WDR33: variants seen among roughly 807,000 people sequenced by gnomAD.
WDR33 encodes pre-mRNA 3' end processing protein WDR33.
Under a neutral mutation model 164.9 loss-of-function variants are expected in WDR33, and 47 were observed. That is an observed-to-expected ratio of 0.29 (90% CI 0.23 to 0.36). The LOEUF is 0.36. Among genes scored for constraint, WDR33 ranks in the 10% least tolerant of loss-of-function variants. The pLI is 1.00. For missense variants in WDR33, 1,137 were observed against 1,754.1 expected, an observed-to-expected ratio of 0.65 and a Z score of 6.28; for synonymous variants, 505 against 589.0, an observed-to-expected ratio of 0.86 and a Z score of 2.06.
chr2:127,771,451 G>A (rs1687999475), intron 1 of WDR33, among the ~76,000 whole-genome samples: 1 of 152,078 alleles, frequency 6.6e-6, no homozygotes, highest in Non-Finnish European at 1.5e-5. Context: ...TCATATATGT[G>A]GTCCAGCATT....
Position 127,705,431 on chromosome 2 carries a change from G to A in WDR33, c.*892C>T, listed in dbSNP as rs1031393580. ...GAGGAAGAGAGGAAAACTTAATTAA[G>A]TGTTGCAAAATTGTTTGAGGACCTA... is the stretch of plus-strand genomic sequence containing the variant. On this transcript the variant is annotated 3_prime_UTR_variant, in exon 22 of 22. Transcript: ENST00000322313. The surrounding 1 kb of genome is among the most constrained non-coding windows in gnomAD (Gnocchi z 4.5). 15 of 152,332 alleles carry A rather than the reference G, an allele frequency of 9.8e-5. No homozygotes were observed. The highest frequency in any genetic ancestry group is 3.6e-4 in the African/African-American group (15 of 41,436). 9.4% of individuals were successfully genotyped at this position (152,332 alleles called of 1,614,324 possible).
chr2:127,800,506 G>A (rs772414215), intron 1 of WDR33, among the ~76,000 whole-genome samples: 29 of 151,840 alleles, frequency 1.9e-4, no homozygotes, highest in Admixed American at 6.6e-5. Context: ...GCGTGGTGGA[G>A]GGCGCCTGTA....
intron 1 of WDR33, among the ~76,000 whole-genome samples, chr2:127,805,863 C>A (rs1689419451): frequency 6.6e-6 from 1 of 151,952 alleles, no homozygotes; most frequent in Non-Finnish European, 1.5e-5. Flanking sequence ...GTATTCCCTG[C>A]CATAATATCT....
chr2:127,764,739 G>T lies in WDR33; in HGVS notation c.626+89C>A. On this transcript the variant is annotated intron_variant, in intron 6 of 21. Coordinates refer to ENST00000322313, the MANE Select transcript of WDR33 (RefSeq NM_018383.5). The surrounding 1 kb of genome is among the most constrained non-coding windows in gnomAD (Gnocchi z 6.2). Reference sequence around the variant, plus strand: ...AGAAAGTTTCCCAGAAACTGACAGAGCCCATGCATCTCTGCACCCAGAATA... The same window carrying T: ...AGAAAGTTTCCCAGAAACTGACAGATCCCATGCATCTCTGCACCCAGAATA... The T allele has an allele frequency of 4.3e-6, 7 of 1,614,104 alleles. No homozygotes were observed. The highest frequency in any genetic ancestry group is 5.9e-6 in the Non-Finnish European group (7 of 1,180,002).
At position 127,709,428 on chromosome 2, in the gene WDR33, C is replaced by T. The variant is rs1686098479; in HGVS notation, c.3565+62G>A. On this transcript the variant is annotated intron_variant, in intron 20 of 21. Transcript: ENST00000322313. The surrounding 1 kb of genome is among the most constrained non-coding windows in gnomAD (Gnocchi z 5.0). ...AGACCCGGTGCACCCCAGAGAGGGC[C>T]CTCAGAACTCACTTTGTGAACTGCA... is the stretch of plus-strand genomic sequence containing the variant. 1 of 1,537,874 alleles carries T rather than the reference C, an allele frequency of 6.5e-7. No homozygotes were observed. Among genetic ancestry groups the T allele is most frequent in the Non-Finnish European group, 9.0e-7 (1 of 1,112,672 alleles).
chr2:127,727,092 T>C (rs1031016625), intron 7 of WDR33, among the ~76,000 whole-genome samples: 1 of 152,166 alleles, frequency 6.6e-6, no homozygotes, highest in African/African-American at 2.4e-5. Flanking sequence ...TTTTGAAGTG[T>C]CTCATGTTGT....
At chr2:127,762,266 C>G (rs1354565365) in intron 7 of WDR33, among the ~76,000 whole-genome samples, 1 of 152,148 alleles carries the variant, frequency 6.6e-6, no homozygotes. Flanking sequence ...AAATTAAGCA[C>G]TGGAGAAAAC....
At chr2:127,797,888 C>T (rs1285920543) in intron 1 of WDR33, among the ~76,000 whole-genome samples, 7 of 152,108 alleles carry the variant, frequency 4.6e-5, no homozygotes, top group African/African-American at 1.7e-4. Flanking sequence ...TGGTACACAA[C>T]TGTGGGTCCC....
At chr2:127,752,725 T>C (rs1687408606) in intron 7 of WDR33, among the ~76,000 whole-genome samples, 3 of 151,212 alleles carry the variant, frequency 2.0e-5, no homozygotes, top group Admixed American at 1.3e-4. Flanking sequence ...ATTTCATCAA[T>C]CCACAAAACA....
Position 127,710,001 on chromosome 2 carries a change from G to A in WDR33, c.3309-145C>T, listed in dbSNP as rs1209184130. The A allele has an allele frequency of 2.7e-6, 3 of 1,115,378 alleles. No homozygotes were observed. In the African/African-American group the frequency reaches 4.8e-5, roughly 18 times the overall value. 69.1% of individuals were successfully genotyped at this position (1,115,378 alleles called of 1,614,324 possible). On this transcript the variant is annotated intron_variant, in intron 18 of 21. Transcript: ENST00000322313. The surrounding 1 kb of genome is among the most constrained non-coding windows in gnomAD (Gnocchi z 4.4). ...AAATAAAACTATATATTTTTGAAAGGATACATTATATAATCCTATTAATAC... is the reference window on the plus strand; with the variant it reads ...AAATAAAACTATATATTTTTGAAAGAATACATTATATAATCCTATTAATAC...
rs554519039 is a variant in WDR33 at position 127,703,095 on chromosome 2, A to T, written c.*3228T>A. The T allele has an allele frequency of 6.0e-6, 1 of 167,096 alleles. No homozygotes were observed. Among genetic ancestry groups the T allele is most frequent in the African/African-American group, 2.4e-5 (1 of 41,546 alleles). 10.4% of individuals were successfully genotyped at this position (167,096 alleles called of 1,614,324 possible). A position where few individuals can be genotyped will look rare whatever the true frequency, so the allele number is the denominator to read the frequency against. On this transcript the variant is annotated 3_prime_UTR_variant, in exon 22 of 22. Transcript: ENST00000322313. ...CAGTTACTTTTAACTACCTTAATTT[A>T]TTGCCAGAAGGTATGAGCCTAACAT...
chr2:127,768,430 A>G, intron 3 of WDR33, 137 bp from the exon 4 acceptor site: 1 of 516,502 alleles, frequency 1.9e-6, no homozygotes, highest in Non-Finnish European at 3.4e-6. Context: ...AAACTATTAT[A>G]AAGTATTACA....
intron 7 of WDR33, among the ~76,000 whole-genome samples, chr2:127,743,257 G>C (rs967322281): frequency 2.0e-5 from 3 of 152,234 alleles, no homozygotes; most frequent in Non-Finnish European, 4.4e-5. Context: ...CTATGATAAA[G>C]GTTTTAGTGA....
Position 127,770,953 on chromosome 2 carries a change from CGAG to C in WDR33, c.26_28del (p.Pro9del), listed in dbSNP as rs1340784957. ...CTGGAACCTTGGCATATGGAAAAAA[CGAG>C]GAGGAGAACCAATTTCTGTAGCCAT... On this transcript the variant is annotated inframe_deletion, in exon 2 of 22. Coordinates refer to ENST00000322313, the MANE Select transcript of WDR33 (RefSeq NM_018383.5). The surrounding 1 kb of genome is among the most constrained non-coding windows in gnomAD (Gnocchi z 4.9). The C allele has an allele frequency of 3.1e-6, 5 of 1,613,802 alleles. No individual in the cohort carries two copies. The highest frequency in any genetic ancestry group is 4.2e-6 in the Non-Finnish European group (5 of 1,179,888).
Position 127,714,194 on chromosome 2 carries a change from G to C in WDR33, c.2870-173C>G, listed in dbSNP as rs1686246180. ...CCCTGAAGCATTGGGTAATAGAACA[G>C]GAGCTTTGGGGTGCAGATTTCAACT... On this transcript the variant is annotated intron_variant, in intron 17 of 21. Coordinates refer to ENST00000322313, the MANE Select transcript of WDR33 (RefSeq NM_018383.5). The surrounding 1 kb of genome is among the most constrained non-coding windows in gnomAD (Gnocchi z 4.3). 6.6e-6 allele frequency among the ~76,000 whole-genome samples: 1 copy of C among 152,194 alleles called. No homozygotes were observed. Among genetic ancestry groups the C allele is most frequent in the African/African-American group, 2.4e-5 (1 of 41,442 alleles).
intron 7 of WDR33, chr2:127,737,926 T>C: frequency 6.4e-6 from 10 of 1,563,286 alleles, no homozygotes; most frequent in Non-Finnish European, 7.8e-6. Context: ...TTTGAATCTA[T>C]GTTTTGCCAG....
intron 7 of WDR33, among the ~76,000 whole-genome samples, chr2:127,742,361 TA>T (rs1185434532): frequency 6.6e-6 from 1 of 150,772 alleles, no homozygotes; most frequent in Non-Finnish European, 1.5e-5. Context: ...TAAAACTAAA[TA>T]AAAATAAAAA....
At chr2:127,731,751 A>C (rs751694152) in intron 7 of WDR33, among the ~76,000 whole-genome samples, 5 of 152,188 alleles carry the variant, frequency 3.3e-5, no homozygotes, top group Non-Finnish European at 5.9e-5. Flanking sequence ...CAAATTTTAT[A>C]GGACTGTAGA....
intron 7 of WDR33, among the ~76,000 whole-genome samples, chr2:127,734,401 T>G (rs1199258112): frequency 6.6e-6 from 1 of 152,224 alleles, no homozygotes; most frequent in African/African-American, 2.4e-5. Context: ...TGGAGACAGG[T>G]GATGCTGCTT....
Sources: allele counts gnomAD v4.1 joint callset (sites outside exome capture counted in the v4.1 genomes callset), GRCh38; gene constraint gnomAD v4.1.1; non-coding constraint Gnocchi (gnomAD v3.1); transcripts MANE v1.5; gene names NCBI Gene and HGNC (gene_info 2026-07-23, HGNC 2026-07-21).